LDLRAD3: variants seen among roughly 807,000 people sequenced by gnomAD.
LDLRAD3 encodes low-density lipoprotein receptor class A domain-containing protein 3.
LDLRAD3 carries 20 observed loss-of-function variants against 29.4 expected under a neutral mutation model. The observed-to-expected ratio is 0.68, with a 90% confidence interval of 0.48 to 0.99. The LOEUF (loss-of-function observed/expected upper bound fraction) is 0.99. LDLRAD3 is among the 50% of genes least tolerant of loss of function. The probability of loss-of-function intolerance (pLI) is 0.00; values close to 1 mark genes in which losing one functional copy is unlikely to be tolerated. For missense variants in LDLRAD3, 420 were observed against 454.3 expected (o/e 0.92, Z 0.69); for synonymous variants, 157 against 192.7 (o/e 0.81, Z 1.53).
intron 4 of LDLRAD3, among the ~76,000 whole-genome samples, chr11:36,120,297 A>G (rs1042387096): frequency 6.6e-6 from 1 of 152,070 alleles, no homozygotes; most frequent in Non-Finnish European, 1.5e-5. Context: ...TCACTGAGTG[A>G]CCTTATAACA....
chr11:36,093,164 T>C (rs760299603), intron 3 of LDLRAD3, among the ~76,000 whole-genome samples: 5 of 152,174 alleles, frequency 3.3e-5, no homozygotes, highest in Non-Finnish European at 5.9e-5. Flanking sequence ...CACTGAAACA[T>C]TTCTGCTAGA....
intron 4 of LDLRAD3, among the ~76,000 whole-genome samples, chr11:36,171,699 G>C (rs1854600702): frequency 2.0e-5 from 3 of 152,130 alleles, no homozygotes; most frequent in African/African-American, 7.2e-5. Flanking sequence ...TTTTCTACCA[G>C]TACCATGCTG....
At chr11:36,087,736 G>A (rs1234234503) in intron 3 of LDLRAD3, among the ~76,000 whole-genome samples, 1 of 151,658 alleles carries the variant, frequency 6.6e-6, no homozygotes, top group East Asian at 1.9e-4. Context: ...TCCCAAATAG[G>A]GTCTCACTCT....
intron 1 of LDLRAD3, among the ~76,000 whole-genome samples, chr11:36,017,753 G>A (rs982341800): frequency 6.6e-6 from 1 of 151,998 alleles, no homozygotes; most frequent in African/African-American, 2.4e-5. Flanking sequence ...TCCAACTCCC[G>A]ACCTCAAGTG....
intron 2 of LDLRAD3, among the ~76,000 whole-genome samples, chr11:36,080,607 T>A (rs1853098754): frequency 6.6e-6 from 1 of 152,158 alleles, no homozygotes; most frequent in Non-Finnish European, 1.5e-5. Flanking sequence ...ATAAGAACCA[T>A]ACTCATTTGT....
At chr11:35,981,378 T>C (rs1165259332) in intron 1 of LDLRAD3, among the ~76,000 whole-genome samples, 1 of 152,152 alleles carries the variant, frequency 6.6e-6, no homozygotes, top group East Asian at 1.9e-4. Context: ...ATTTGCAAAA[T>C]GGAGGCAATA....
At chr11:35,957,000 G>T (rs904400956) in intron 1 of LDLRAD3, among the ~76,000 whole-genome samples, 1 of 152,188 alleles carries the variant, frequency 6.6e-6, no homozygotes, top group African/African-American at 2.4e-5. Flanking sequence ...CTCCCAAAGT[G>T]CTGGGATTAC....
intron 4 of LDLRAD3, chr11:36,196,805 G>C (rs1007216519): frequency 2.0e-5 from 3 of 152,198 alleles, no homozygotes; most frequent in African/African-American, 7.2e-5. Context: ...GGAGGGATCA[G>C]TAATGCCTAC....
intron 4 of LDLRAD3, among the ~76,000 whole-genome samples, chr11:36,191,708 G>T (rs1854956551): frequency 6.6e-6 from 1 of 151,578 alleles, no homozygotes; most frequent in East Asian, 1.9e-4. Context: ...ATCTGGGAAA[G>T]ACTTTGTGTT....
chr11:36,036,480 G>A (rs896741574), intron 2 of LDLRAD3, among the ~76,000 whole-genome samples: 13 of 152,144 alleles, frequency 8.5e-5, no homozygotes, highest in Non-Finnish European at 1.8e-4. Flanking sequence ...AGAGCAGAAG[G>A]TTTTACCATC....
At chr11:36,225,633 A>G (rs756699236) in intron 4 of LDLRAD3, among the ~76,000 whole-genome samples, 1 of 152,036 alleles carries the variant, frequency 6.6e-6, no homozygotes, top group African/African-American at 2.4e-5. Context: ...GACTCAACTC[A>G]CGCACAACTC....
chr11:36,149,246 A>G (rs1346129573), intron 4 of LDLRAD3, among the ~76,000 whole-genome samples: 4 of 152,206 alleles, frequency 2.6e-5, no homozygotes, highest in Non-Finnish European at 5.9e-5. Flanking sequence ...AGGGGAGAAG[A>G]CATCAGACGT....
chr11:36,071,384 C>G (rs1852899248), intron 2 of LDLRAD3, among the ~76,000 whole-genome samples: 1 of 151,996 alleles, frequency 6.6e-6, no homozygotes, highest in African/African-American at 2.4e-5. Flanking sequence ...GCATGCATGT[C>G]CTTTGACCTA....
intron 4 of LDLRAD3, among the ~76,000 whole-genome samples, chr11:36,139,888 C>T (rs905266561): frequency 5.3e-5 from 8 of 152,168 alleles, no homozygotes; most frequent in African/African-American, 1.7e-4. Context: ...GGAATCCAGC[C>T]GAAGTGAATG....
chr11:36,209,206 A>G (rs1855250244), intron 4 of LDLRAD3, among the ~76,000 whole-genome samples: 1 of 152,174 alleles, frequency 6.6e-6, no homozygotes, highest in Non-Finnish European at 1.5e-5. Context: ...GATCAATGCC[A>G]TGTGGGATCC....
intron 2 of LDLRAD3, among the ~76,000 whole-genome samples, chr11:36,064,269 A>T (rs1171475827): frequency 6.6e-6 from 1 of 152,158 alleles, no homozygotes; most frequent in Non-Finnish European, 1.5e-5. Flanking sequence ...GTCTCCTGCA[A>T]CCTTGCTAAA....
intron 1 of LDLRAD3, among the ~76,000 whole-genome samples, chr11:35,989,659 G>A (rs1565146106): frequency 6.6e-6 from 1 of 152,060 alleles, no homozygotes; most frequent in Non-Finnish European, 1.5e-5. Context: ...TTAATTTTTT[G>A]TGGCTATTAT....
chr11:36,137,693 T>C lies in LDLRAD3; in HGVS notation c.454+39232T>C, dbSNP rs183604252. 3.3e-5 allele frequency among the ~76,000 whole-genome samples: 5 copies of C among 152,346 alleles called. No individual in the cohort carries two copies. The East Asian group carries it at 7.7e-4, about 23-fold the overall frequency. On this transcript the variant is annotated intron_variant, in intron 4 of 5. Transcript: ENST00000315571. ...CAGTATATGCTCCAAATTCACATGATAGATGAGTACCATTATGACCTAATT... is the reference window on the plus strand; with the variant it reads ...CAGTATATGCTCCAAATTCACATGACAGATGAGTACCATTATGACCTAATT...
At chr11:36,129,529 A>G (rs965685645) in intron 4 of LDLRAD3, among the ~76,000 whole-genome samples, 4 of 152,280 alleles carry the variant, frequency 2.6e-5, no homozygotes, top group African/African-American at 9.6e-5. Context: ...TGGGACCCCA[A>G]GGGATGTTCT....
Sources: allele counts gnomAD v4.1 joint callset (sites outside exome capture counted in the v4.1 genomes callset), GRCh38; gene constraint gnomAD v4.1.1; transcripts MANE v1.5; gene names NCBI Gene and HGNC (gene_info 2026-07-23, HGNC 2026-07-21).